AGBL1: variants seen among roughly 807,000 people sequenced by gnomAD.
AGBL1 encodes AGBL carboxypeptidase 1, also known as cytosolic carboxypeptidase 4.
AGBL1 carries 130 observed loss-of-function variants against 118.9 expected under a neutral mutation model. The observed-to-expected ratio is 1.09, with a 90% confidence interval of 0.95 to 1.26. The LOEUF (loss-of-function observed/expected upper bound fraction) is 1.26. Among genes scored for constraint, AGBL1 ranks in the 50% most tolerant of loss-of-function variants. The probability of loss-of-function intolerance (pLI) is 0.00; values close to 1 mark genes in which losing one functional copy is unlikely to be tolerated. For missense variants in AGBL1, 1,584 were observed against 1,298.1 expected (o/e 1.22, Z -3.38); for synonymous variants, 555 against 478.9 (o/e 1.16, Z -2.08).
intron 1 of AGBL1, among the ~76,000 whole-genome samples, chr15:86,090,489 A>G (rs1488977954): frequency 6.6e-6 from 1 of 152,178 alleles, no homozygotes; most frequent in East Asian, 1.9e-4. Context: ...TCATTTTTAC[A>G]CACTGCTATT....
intron 24 of AGBL1, among the ~76,000 whole-genome samples, chr15:87,013,989 G>C (rs16939710): frequency 2.0e-5 from 3 of 151,826 alleles, no homozygotes; most frequent in East Asian, 1.9e-4. Flanking sequence ...GCAAAATAGA[G>C]TCCAACTTAT....
intron 17 of AGBL1, among the ~76,000 whole-genome samples, chr15:86,387,479 G>T (rs546928837): frequency 1.3e-5 from 2 of 152,232 alleles, no homozygotes; most frequent in East Asian, 3.9e-4. Context: ...GGCTGGACCA[G>T]ATGTTAAGGA....
chr15:86,813,203 T>TGG lies in AGBL1; in HGVS notation c.3159-93878_3159-93877dup, dbSNP rs35447547. ...AATGATGGGTCACACCTTTGAGGGT[T>TGG]GGGGGGGCCTCAGGGGATGTGGAGG... On this transcript the variant is annotated intron_variant, in intron 22 of 22. Transcript: ENST00000614907. Among the ~76,000 whole-genome samples the TGG allele has an allele frequency of 4.9e-3, 743 of 151,320 alleles. 9 individuals carry two copies. The highest frequency in any genetic ancestry group is 0.017 in the African/African-American group (696 of 41,180).
At chr15:86,160,765 C>T (rs970762647) in intron 5 of AGBL1, among the ~76,000 whole-genome samples, 7 of 152,144 alleles carry the variant, frequency 4.6e-5, no homozygotes, top group Non-Finnish European at 1.0e-4. Flanking sequence ...TTGCTGGGCT[C>T]ATCCACATAC....
chr15:86,743,043 T>C (rs2077702272), intron 22 of AGBL1, among the ~76,000 whole-genome samples: 1 of 152,154 alleles, frequency 6.6e-6, no homozygotes, highest in African/African-American at 2.4e-5. Context: ...GCTCAATAAT[T>C]GTAAGCTGGA....
intron 22 of AGBL1, among the ~76,000 whole-genome samples, chr15:86,714,616 C>T (rs1191556140): frequency 2.0e-5 from 3 of 152,182 alleles, no homozygotes; most frequent in Non-Finnish European, 4.4e-5. Context: ...TGAATGCCAG[C>T]ATAACCTTTC....
intron 22 of AGBL1, among the ~76,000 whole-genome samples, chr15:86,677,679 A>G (rs987286909): frequency 6.6e-6 from 1 of 152,180 alleles, no homozygotes; most frequent in Non-Finnish European, 1.5e-5. Context: ...GCAATGGCTC[A>G]ACACCTCCCG....
chr15:86,159,125 T>A (rs1220063536), intron 5 of AGBL1, 99 bp downstream of exon 5: 1 of 1,110,246 alleles, frequency 9.0e-7, no homozygotes, highest in Non-Finnish European at 1.4e-6. Context: ...CTCAGTTTAG[T>A]GGTCATTTCT....
Position 87,026,134 on chromosome 15 carries a change from A to G in AGBL1, c.3324-2691A>G, listed in dbSNP as rs553762526. On this transcript the variant is annotated intron_variant, in intron 24 of 24. Coordinates refer to the AGBL1 transcript ENST00000441037. ...GACCAAGAACCCAAACACAAATACA[A>G]TAATAACAAAGATAAATTGTTGGGA... 5.9e-5 allele frequency among the ~76,000 whole-genome samples: 9 copies of G among 152,216 alleles called. No homozygotes were observed. The South Asian group carries it at 1.7e-3, about 28-fold the overall frequency.
At chr15:86,787,466 G>C (rs1331579492) in intron 22 of AGBL1, among the ~76,000 whole-genome samples, 2 of 151,958 alleles carry the variant, frequency 1.3e-5, no homozygotes, top group East Asian at 3.9e-4. Flanking sequence ...TCTAGTCTCT[G>C]TTTCCATGTA....
At chr15:86,878,343 G>A (rs551808600) in intron 22 of AGBL1, among the ~76,000 whole-genome samples, 1 of 152,288 alleles carries the variant, frequency 6.6e-6, no homozygotes, top group Admixed American at 6.5e-5. Flanking sequence ...AATACAATGG[G>A]CATGGCTGCA....
intron 17 of AGBL1, among the ~76,000 whole-genome samples, chr15:86,342,353 A>G (rs1193378284): frequency 6.6e-6 from 1 of 152,234 alleles, no homozygotes; most frequent in Admixed American, 6.5e-5. Flanking sequence ...ACCCAAGGCT[A>G]TATTTCCTAC....
At chr15:86,493,879 C>G (rs745489799) in intron 18 of AGBL1, among the ~76,000 whole-genome samples, 2 of 152,000 alleles carry the variant, frequency 1.3e-5, no homozygotes, top group Non-Finnish European at 2.9e-5. Context: ...CTGACTGCCC[C>G]GACTATTTAG....
At chr15:86,933,374 G>A (rs1376961767) in intron 23 of AGBL1, among the ~76,000 whole-genome samples, 1 of 152,074 alleles carries the variant, frequency 6.6e-6, no homozygotes, top group Non-Finnish European at 1.5e-5. Flanking sequence ...TAAGGGATAT[G>A]GGAGGGGTCT....
intron 18 of AGBL1, among the ~76,000 whole-genome samples, chr15:86,477,553 A>G (rs1483397472): frequency 6.6e-6 from 1 of 152,206 alleles, no homozygotes; most frequent in African/African-American, 2.4e-5. Context: ...ATCTCTGAAT[A>G]GACCAATAAC....
At chr15:87,028,029 A>G (rs2081751430) in intron 24 of AGBL1, among the ~76,000 whole-genome samples, 1 of 123,028 alleles carries the variant, frequency 8.1e-6, no homozygotes, top group South Asian at 2.3e-4. Context: ...GCGCACATAC[A>G]CTGAACTTAA....
intron 3 of AGBL1, among the ~76,000 whole-genome samples, chr15:86,153,412 C>T (rs966389378): frequency 6.7e-6 from 1 of 150,350 alleles, no homozygotes; most frequent in Non-Finnish European, 1.5e-5. Context: ...GTCACAAGGA[C>T]AGAAAACCAA....
intron 17 of AGBL1, among the ~76,000 whole-genome samples, chr15:86,298,472 A>G (rs1206726386): frequency 6.6e-6 from 1 of 151,370 alleles, no homozygotes; most frequent in Non-Finnish European, 1.5e-5. Flanking sequence ...CCTACCCTTC[A>G]AAGTGCAAAT....
intron 22 of AGBL1, among the ~76,000 whole-genome samples, chr15:86,695,541 C>G (rs1421865874): frequency 6.6e-6 from 1 of 151,848 alleles, no homozygotes; most frequent in Non-Finnish European, 1.5e-5. Flanking sequence ...TTTCAAAGAA[C>G]CAGCTTTTTG....
Sources: gnomAD v4.1 joint callset for allele counts (sites outside exome capture counted in the v4.1 genomes callset) on GRCh38, gnomAD v4.1.1 for gene constraint, MANE v1.5 for transcripts, NCBI Gene and HGNC (gene_info 2026-07-23, HGNC 2026-07-21) for gene names.